The following MXI1 variants were observed in gnomAD, a reference collection of about 807,000 sequenced individuals.
MXI1 encodes MAX interactor 1, dimerization protein.
Under a neutral mutation model 36.9 loss-of-function variants are expected in MXI1, and 18 were observed. That is an observed-to-expected ratio of 0.49 (90% CI 0.34 to 0.72). The LOEUF (loss-of-function observed/expected upper bound fraction) is 0.72, where lower values mean the gene tolerates loss of function less well. Among genes scored for constraint, MXI1 ranks in the 30% least tolerant of loss-of-function variants. The probability of loss-of-function intolerance (pLI) is 0.01; values close to 1 mark genes in which losing one functional copy is unlikely to be tolerated. For missense variants in MXI1, 304 were observed against 379.1 expected (o/e 0.80, Z 1.64); for synonymous variants, 160 against 146.7 (o/e 1.09, Z -0.65).
At chr10:110,220,024 T>C (rs1452909809) in intron 1 of MXI1, among the ~76,000 whole-genome samples, 1 of 152,238 alleles carries the variant, frequency 6.6e-6, no homozygotes, top group Non-Finnish European at 1.5e-5. Context: ...ACAATGTTTC[T>C]ACCGCCTCCT....
At chr10:110,225,678 A>G (rs914885546) in intron 1 of MXI1, among the ~76,000 whole-genome samples, 4 of 151,854 alleles carry the variant, frequency 2.6e-5, no homozygotes, top group Non-Finnish European at 5.9e-5. Flanking sequence ...CCGGGAGTAG[A>G]CTCCCAGCTC....
At chr10:110,272,615 C>T (rs1410838871) in intron 3 of MXI1, among the ~76,000 whole-genome samples, 1 of 151,926 alleles carries the variant, frequency 6.6e-6, no homozygotes, top group African/African-American at 2.4e-5. Context: ...ACATGCATCT[C>T]AACCATTTTA....
intron 3 of MXI1, among the ~76,000 whole-genome samples, chr10:110,274,872 ATTTTT>A (rs66570053): frequency 6.4e-5 from 7 of 109,994 alleles, no homozygotes; most frequent in African/African-American, 2.2e-4. Context: ...GTGAATAAGG[ATTTTT>A]TTTTTTTTTT....
chr10:110,227,594 G>C, intron 1 of MXI1: 3 of 927,548 alleles, frequency 3.2e-6, no homozygotes, highest in Non-Finnish European at 3.9e-6. Flanking sequence ...GGGGTCAGGG[G>C]AAGGGACGAG....
chr10:110,276,679 A>G (rs1857041960), intron 3 of MXI1, among the ~76,000 whole-genome samples: 1 of 152,140 alleles, frequency 6.6e-6, no homozygotes. Context: ...AAATCCATGT[A>G]ATAAATACAT....
chr10:110,250,545 C>T (rs763733177), intron 3 of MXI1, among the ~76,000 whole-genome samples: 2 of 151,984 alleles, frequency 1.3e-5, no homozygotes, highest in Non-Finnish European at 2.9e-5. Flanking sequence ...GAATCAACAA[C>T]TTTGGCCAGG....
At chr10:110,275,891 G>T (rs1857011618) in intron 3 of MXI1, among the ~76,000 whole-genome samples, 1 of 152,078 alleles carries the variant, frequency 6.6e-6, no homozygotes, top group Non-Finnish European at 1.5e-5. Flanking sequence ...ATATCTCAGG[G>T]TATATTTTCT....
At chr10:110,214,472 C>CTGT (rs1179367513) in intron 1 of MXI1, among the ~76,000 whole-genome samples, 1 of 151,882 alleles carries the variant, frequency 6.6e-6, no homozygotes, top group East Asian at 1.9e-4. Flanking sequence ...GGACTTGGGG[C>CTGT]TGTTGCTATG....
intron 3 of MXI1, among the ~76,000 whole-genome samples, chr10:110,265,408 A>C (rs1271182763): frequency 6.6e-6 from 1 of 152,156 alleles, no homozygotes; most frequent in African/African-American, 2.4e-5. Flanking sequence ...TTGTCAATCT[A>C]GGGTGACTTG....
chr10:110,214,467 TG>T (rs1174253142), intron 1 of MXI1, among the ~76,000 whole-genome samples: 1 of 151,868 alleles, frequency 6.6e-6, no homozygotes, highest in Non-Finnish European at 1.5e-5. Context: ...TTAGAGGACT[TG>T]GGGCTGTTGC....
In MXI1 at chr10:110,284,871, G is replaced by A; in HGVS notation, c.772G>A (p.Val258Met). 1 of 1,613,678 alleles carries A rather than the reference G, an allele frequency of 6.2e-7. No homozygotes were observed. The highest frequency in any genetic ancestry group is 8.5e-7 in the Non-Finnish European group (1 of 1,179,870). ...AAGCACAGAGTTCTCCCATGGAGAA[G>A]TGGACAATATAAGTACCACCAGCAT... The part of the protein sequence containing the change: ...VESTEFSHGE[V>M]DNISTTSISD... Residue 258 changes from valine (V) to methionine (M), a missense_variant, in exon 6 of 6, where the codon GTG (valine) becomes ATG (methionine). Val to Met is a conservative substitution (Grantham distance 21). Coordinates refer to ENST00000332674, the MANE Select transcript of MXI1 (RefSeq NM_130439.3).
chr10:110,257,741 T>C, intron 3 of MXI1: 1 of 229,680 alleles, frequency 4.4e-6, no homozygotes, highest in Admixed American at 4.4e-5. Flanking sequence ...GTTTCTGGGT[T>C]CAGCTGAAGC....
intron 1 of MXI1, among the ~76,000 whole-genome samples, chr10:110,219,501 G>C (rs1372237671): frequency 6.6e-6 from 1 of 152,200 alleles, no homozygotes; most frequent in East Asian, 1.9e-4. Context: ...TGTCAGAAAT[G>C]AGACTCCAGG....
intron 2 of MXI1, among the ~76,000 whole-genome samples, chr10:110,239,328 C>G (rs1254431709): frequency 6.6e-6 from 1 of 152,124 alleles, no homozygotes; most frequent in African/African-American, 2.4e-5. Flanking sequence ...TAGTTTGTTC[C>G]TTTTTCTACT....
chr10:110,231,365 C>A (rs547437685), intron 2 of MXI1, among the ~76,000 whole-genome samples: 6 of 149,534 alleles, frequency 4.0e-5, no homozygotes, highest in East Asian at 4.0e-4. Context: ...ATAATCCACC[C>A]CCCCCCCCTC....
chr10:110,243,060 C>T (rs752151728), intron 2 of MXI1, among the ~76,000 whole-genome samples: 39 of 151,920 alleles, frequency 2.6e-4, no homozygotes, highest in Non-Finnish European at 4.7e-4. Flanking sequence ...TTCTAAACGT[C>T]TTTAAATAGG....
chr10:110,277,328 A>G (rs2134465634), intron 3 of MXI1, among the ~76,000 whole-genome samples: 1 of 152,298 alleles, frequency 6.6e-6, no homozygotes. Context: ...TGTAGCTGCC[A>G]GTCTTTGTTT....
intron 1 of MXI1, among the ~76,000 whole-genome samples, chr10:110,219,998 T>G (rs907257535): frequency 7.8e-4 from 118 of 152,252 alleles, no homozygotes; most frequent in African/African-American, 2.7e-3. Context: ...ATTGTGACAA[T>G]AAAAAAGACA....
At chr10:110,265,100 T>C (rs1856641961) in intron 3 of MXI1, among the ~76,000 whole-genome samples, 1 of 152,210 alleles carries the variant, frequency 6.6e-6, no homozygotes, top group Admixed American at 6.5e-5. Context: ...AATGGACACA[T>C]CTTTCTTGAC....
Sources: allele counts gnomAD v4.1 joint callset (sites outside exome capture counted in the v4.1 genomes callset), GRCh38; gene constraint gnomAD v4.1.1; transcripts MANE v1.5; gene names NCBI Gene and HGNC (gene_info 2026-07-23, HGNC 2026-07-21).